SPRED2: variants seen among roughly 807,000 people sequenced by gnomAD.
SPRED2 encodes the protein sprouty related EVH1 domain containing 2.
SPRED2 carries 47 observed loss-of-function variants against 43.0 expected under a neutral mutation model. The observed-to-expected ratio is 1.09, with a 90% CI of 0.87 to 1.40. The LOEUF (loss-of-function observed/expected upper bound fraction) is 1.40. Among genes scored for constraint, SPRED2 ranks in the 40% most tolerant of loss-of-function variants. SPRED2 has a pLI of 0.00. For synonymous variants in SPRED2, 225 were observed against 225.7 expected, an observed-to-expected ratio of 1.00 and a Z score of 0.03; for missense variants, 561 against 586.4, an observed-to-expected ratio of 0.96 and a Z score of 0.45.
chr2:65,334,717 CG>C lies in SPRED2; in HGVS notation c.260del (p.Thr87SerfsTer29). On this transcript the variant is annotated frameshift_variant, in exon 3 of 6. Transcript: ENST00000356388. LOFTEE classifies it high-confidence loss of function. ...KDLVYTKANPTFHHWKVDNRK... is the reference protein window; with the variant it reads ...KDLVYTKANPXFHHWKVDNRK... The stretch of plus-strand genomic sequence containing the variant: ...TATTATCGACCTTCCAGTGATGAAA[CG>C]TTGGATTGGCTTTGGTGTAGACCAA... 6.2e-7 allele frequency: 1 copy of C among 1,614,208 alleles called. No homozygotes were observed. The highest frequency in any genetic ancestry group is 8.5e-7 in the Non-Finnish European group (1 of 1,180,038).
At chr2:65,401,937 G>GTGCGCGCGCGCACACACACACACACACA (rs1553426614) in intron 1 of SPRED2, among the ~76,000 whole-genome samples, 1 of 114,714 alleles carries the variant, frequency 8.7e-6, no homozygotes, top group African/African-American at 3.4e-5. Context: ...GCGCGCGCGC[G>GTGCGCGCGCGCACACACACACACACACA]CACACACACA....
chr2:65,385,313 C>T (rs1232871621), intron 1 of SPRED2, among the ~76,000 whole-genome samples: 1 of 152,048 alleles, frequency 6.6e-6, no homozygotes, highest in Non-Finnish European at 1.5e-5. Context: ...CCTCTTATGA[C>T]CTTGCTGACT....
chr2:65,395,343 T>C (rs1675733129), intron 1 of SPRED2, among the ~76,000 whole-genome samples: 1 of 151,914 alleles, frequency 6.6e-6, no homozygotes, highest in Non-Finnish European at 1.5e-5. Context: ...GTGTGTGGGG[T>C]TGAAAAAGAA....
intron 1 of SPRED2, among the ~76,000 whole-genome samples, chr2:65,412,785 C>G (rs1676192292): frequency 6.6e-6 from 1 of 152,064 alleles, no homozygotes; most frequent in African/African-American, 2.4e-5. Context: ...ACATTTTGGC[C>G]CACTCCAAAA....
chr2:65,308,406 G>A (rs1348742179), downstream of SPRED2: 1 of 985,298 alleles, frequency 1.0e-6, no homozygotes, highest in African/African-American at 1.7e-5. Flanking sequence ...ATACCTGGAG[G>A]GGTCAGCAAG....
intron 1 of SPRED2, among the ~76,000 whole-genome samples, chr2:65,428,346 A>G (rs1243191267): frequency 2.0e-5 from 3 of 152,254 alleles, no homozygotes; most frequent in African/African-American, 7.2e-5. Context: ...GCAAATGGCT[A>G]AGCCTTAAGC....
At chr2:65,327,966 C>A (rs1409530440) in intron 4 of SPRED2, among the ~76,000 whole-genome samples, 3 of 152,128 alleles carry the variant, frequency 2.0e-5, no homozygotes, top group Non-Finnish European at 4.4e-5. Flanking sequence ...TCGTGATCCG[C>A]CCACCTTGGC....
rs575291990 is a variant in SPRED2, at chr2:65,410,349, C to A, written c.26+21613G>T. Among the ~76,000 whole-genome samples, 7 of 152,170 alleles carry A rather than the reference C, an allele frequency of 4.6e-5. 1 individual carries two copies. The South Asian group carries it at 1.5e-3, about 32-fold the overall frequency. On this transcript the variant is annotated intron_variant, in intron 1 of 5. Transcript: ENST00000356388. Reference sequence around the variant, plus strand: ...CGCTCTCTCTCTGTCTCTCTCCTGCCCATGCTGGGTTCTTTAGCATCGTTC... The same window carrying A: ...CGCTCTCTCTCTGTCTCTCTCCTGCACATGCTGGGTTCTTTAGCATCGTTC...
At chr2:65,411,005 T>C (rs1676146441) in intron 1 of SPRED2, among the ~76,000 whole-genome samples, 1 of 152,222 alleles carries the variant, frequency 6.6e-6, no homozygotes, top group Non-Finnish European at 1.5e-5. Context: ...GCCTTCACTG[T>C]GGAAAACCTA....
chr2:65,411,297 CCT>C (rs1676152854), intron 1 of SPRED2, among the ~76,000 whole-genome samples: 1 of 152,152 alleles, frequency 6.6e-6, no homozygotes, highest in Non-Finnish European at 1.5e-5. Flanking sequence ...GGACACCGAG[CCT>C]CTCTTTCCTT....
At chr2:65,409,568 C>T (rs1676102943) in intron 1 of SPRED2, among the ~76,000 whole-genome samples, 1 of 151,428 alleles carries the variant, frequency 6.6e-6, no homozygotes, top group Admixed American at 6.6e-5. Flanking sequence ...CAGCTTTTAG[C>T]AATTTACATC....
At chr2:65,428,589 T>C (rs1676607723) in intron 1 of SPRED2, among the ~76,000 whole-genome samples, 1 of 152,250 alleles carries the variant, frequency 6.6e-6, no homozygotes, top group African/African-American at 2.4e-5. Flanking sequence ...GTCTGCAATG[T>C]CTTTGAAATG....
intron 1 of SPRED2, among the ~76,000 whole-genome samples, chr2:65,431,735 T>C (rs1676700832): frequency 6.6e-6 from 1 of 151,912 alleles, no homozygotes; most frequent in South Asian, 2.1e-4. Context: ...CCCCCGGAGC[T>C]GCCACCAGCC....
chr2:65,366,200 C>G (rs555411331), intron 1 of SPRED2, among the ~76,000 whole-genome samples: 1 of 151,994 alleles, frequency 6.6e-6, no homozygotes, highest in African/African-American at 2.4e-5. Context: ...CTCACCTCTG[C>G]TTATTCATTT....
Position 65,369,272 on chromosome 2 carries a change from C to A in SPRED2, c.27-24376G>T, listed in dbSNP as rs539314249. ...GGGGAGACACATACATACACATACA[C>A]ACACACACACATACACACACACATG... On this transcript the variant is annotated intron_variant, in intron 1 of 5. Transcript: ENST00000356388. Among the ~76,000 whole-genome samples, 715 of 84,258 alleles carry A rather than the reference C, an allele frequency of 8.5e-3. 6 individuals are homozygous for A. Among genetic ancestry groups the A allele is most frequent in the African/African-American group, 0.019 (666 of 34,548 alleles). The allele number at this position is 84,258 out of a possible 152,430, so 55.3% of individuals were successfully genotyped here.
intron 4 of SPRED2, among the ~76,000 whole-genome samples, chr2:65,329,588 C>T (rs1402261310): frequency 6.6e-6 from 1 of 152,194 alleles, no homozygotes; most frequent in Admixed American, 6.5e-5. Flanking sequence ...GCACATGGAT[C>T]CCCCGTGGAT....
intron 1 of SPRED2, among the ~76,000 whole-genome samples, chr2:65,412,159 A>AAAG (rs1049013594): frequency 6.6e-6 from 1 of 151,866 alleles, no homozygotes; most frequent in Non-Finnish European, 1.5e-5. Context: ...AGAAAAAGAA[A>AAAG]AAGAAAATGA....
chr2:65,404,242 T>C (rs144104452), intron 1 of SPRED2, among the ~76,000 whole-genome samples: 6 of 151,774 alleles, frequency 4.0e-5, no homozygotes, highest in African/African-American at 1.4e-4. Context: ...AGAAGAAACA[T>C]TTGTGCTAGT....
intron 1 of SPRED2, among the ~76,000 whole-genome samples, chr2:65,384,704 T>C (rs1279532517): frequency 6.6e-6 from 1 of 152,028 alleles, no homozygotes; most frequent in Non-Finnish European, 1.5e-5. Flanking sequence ...ACTCATCCTT[T>C]CCCTCAAGGA....
Sources: gnomAD v4.1 joint callset for allele counts (sites outside exome capture counted in the v4.1 genomes callset) on GRCh38, gnomAD v4.1.1 for gene constraint, MANE v1.5 for transcripts, NCBI Gene and HGNC (gene_info 2026-07-23, HGNC 2026-07-21) for gene names.